Variants in REV3L observed in about 807,000 individuals in gnomAD.
The protein encoded by REV3L is REV3 like, DNA directed polymerase zeta catalytic subunit, also known as DNA polymerase zeta catalytic subunit.
In REV3L, 69 loss-of-function variants were observed where a neutral mutation model predicts 299.4. That is an observed-to-expected ratio of 0.23 (90% CI 0.19 to 0.28). REV3L has a LOEUF of 0.28. Ranked by LOEUF, REV3L falls within the 10% of genes least tolerant of loss-of-function variation. The pLI, the probability that REV3L is intolerant of heterozygous loss-of-function variation, is 1.00. For synonymous variants in REV3L, 1,238 were observed against 1,271.4 expected, an observed-to-expected ratio of 0.97 and a Z score of 0.56; for missense variants, 3,128 against 3,693.8, an observed-to-expected ratio of 0.85 and a Z score of 3.97.
intron 1 of REV3L, among the ~76,000 whole-genome samples, chr6:111,476,945 T>A (rs1212600273): frequency 6.6e-6 from 1 of 151,692 alleles, no homozygotes; most frequent in Admixed American, 6.6e-5. Flanking sequence ...TTTTAAATTA[T>A]AAAATCAGCA....
intron 20 of REV3L, among the ~76,000 whole-genome samples, chr6:111,344,267 C>A (rs555176426): frequency 6.6e-6 from 1 of 152,138 alleles, no homozygotes; most frequent in South Asian, 2.1e-4. Context: ...GAAAGCAGAC[C>A]TGATGAGATT....
At chr6:111,434,493 C>A (rs1353609995) in intron 1 of REV3L, among the ~76,000 whole-genome samples, 1 of 151,958 alleles carries the variant, frequency 6.6e-6, no homozygotes, top group Admixed American at 6.5e-5. Flanking sequence ...CTGGCGGGCG[C>A]CTGTAGTCCC....
rs145959292 is a variant in REV3L, at chr6:111,333,200, T to C, written c.7848A>G (p.Gln2616=). Residue 2616 remains glutamine (Q), a synonymous_variant, in exon 23 of 32, where the codon CAA becomes CAG. Coordinates refer to ENST00000368802, the MANE Select transcript of REV3L (RefSeq NM_001372078.1). ...YSNSVLVLDF[Q]SLYPSIVIAY... is the part of the protein sequence containing the mutation. ...CAATCACAATAGAAGGATAAAGTGA[T>C]TGGAAATCCAAAACGAGAACAGAGT... The C allele has an allele frequency of 1.2e-5, 19 of 1,614,006 alleles. No individual in the cohort carries two copies. Among genetic ancestry groups the C allele is most frequent in the African/African-American group, 8.0e-5 (6 of 74,900 alleles).
At chr6:111,342,431 G>A (rs2114895998) in intron 21 of REV3L, among the ~76,000 whole-genome samples, 1 of 152,232 alleles carries the variant, frequency 6.6e-6, no homozygotes, top group Non-Finnish European at 1.5e-5. Flanking sequence ...CACTTTGGGA[G>A]GCCGAGGCGG....
chr6:111,444,152 A>T (rs1199371910), intron 1 of REV3L, among the ~76,000 whole-genome samples: 1 of 152,234 alleles, frequency 6.6e-6, no homozygotes. Context: ...AGTATTGGTT[A>T]AAAACACAGG....
chr6:111,387,900 A>C lies in REV3L; in HGVS notation c.961T>G (p.Ser321Ala). ...QNDFSVTLSG[S>A]VDYSDGSQEF... Reference sequence around the variant, plus strand: ...TGGGATCCATCGCTGTAGTCCACAGATCCTGATAATGTTCTGCTTAATTAA... The same window carrying C: ...TGGGATCCATCGCTGTAGTCCACAGCTCCTGATAATGTTCTGCTTAATTAA... The change falls in exon 9 of 32, where the codon TCT (serine) becomes GCT (alanine). Residue 321 changes from serine (S) to alanine (A), a missense_variant. Physicochemically the swap from Ser to Ala is moderately conservative, Grantham distance 99. Coordinates refer to ENST00000368802, the MANE Select transcript of REV3L (RefSeq NM_001372078.1). 1 of 1,613,956 alleles carries C rather than the reference A, an allele frequency of 6.2e-7. No individual in the cohort carries two copies. Among genetic ancestry groups the C allele is most frequent in the Non-Finnish European group, 8.5e-7 (1 of 1,179,884 alleles).
Position 111,411,565 on chromosome 6 carries a change from A to AC in REV3L, c.330-12_330-11insG. 4.7e-6 allele frequency: 7 copies of AC among 1,494,014 alleles called. No individual in the cohort carries two copies. The highest frequency in any genetic ancestry group is 6.4e-6 in the Non-Finnish European group (7 of 1,092,460). 92.5% of individuals were successfully genotyped at this position (1,494,014 alleles called of 1,614,324 possible). The stretch of plus-strand genomic sequence containing the variant: ...TAACCATAAAAAGGCCTGAAATATA[A>AC]GAAAAAAAATTTCAAATTATTTTCA... On this transcript the variant is annotated splice_polypyrimidine_tract_variant and intron_variant, in intron 2 of 31. Transcript: ENST00000368802.
chr6:111,472,324 AATAAT>A (rs1190507591), intron 1 of REV3L, among the ~76,000 whole-genome samples: 1 of 152,142 alleles, frequency 6.6e-6, no homozygotes, highest in Non-Finnish European at 1.5e-5. Flanking sequence ...ATATATGCAA[AATAAT>A]ATATTTCTTT....
At chr6:111,430,788 T>C in intron 1 of REV3L, 1 of 1,607,940 alleles carries the variant, frequency 6.2e-7, no homozygotes. Context: ...GACCGCATCG[T>C]GAAGGAATCT....
At position 111,375,968 on chromosome 6, in the gene REV3L, T is replaced by C. The variant is rs1007947508; in HGVS notation, c.2387A>G (p.Tyr796Cys). ...AAGAACAACACTGGGAAAAAACATA[T>C]AGTGTGCTGCTTGCTGGCTGAGGCT... ...KPSLSQQAAH[Y>C]MFFPSVVLSN... The change falls in exon 13 of 32, where the codon TAT becomes TGT. Residue 796 changes from tyrosine (Y) to cysteine (C), a missense_variant. Around this residue, in one of 9 missense-constraint regions of REV3L, gnomAD observed 2,409 missense variants for 2,611.8 expected, o/e 0.92. Transcript: ENST00000368802. 26 of 1,613,968 alleles carry C rather than the reference T, an allele frequency of 1.6e-5. No individual in the cohort carries two copies. The highest frequency in any genetic ancestry group is 2.2e-5 in the South Asian group (2 of 91,052).
intron 1 of REV3L, among the ~76,000 whole-genome samples, chr6:111,436,221 A>G (rs374521616): frequency 6.6e-6 from 1 of 152,220 alleles, no homozygotes; most frequent in Non-Finnish European, 1.5e-5. Flanking sequence ...GTAAATTAGT[A>G]CAGTTACTAT....
intron 9 of REV3L, among the ~76,000 whole-genome samples, chr6:111,385,280 T>C (rs1314219605): frequency 6.6e-6 from 1 of 152,130 alleles, no homozygotes; most frequent in Non-Finnish European, 1.5e-5. Flanking sequence ...CAAAGAAATA[T>C]ATGCTTGAGG....
intron 31 of REV3L, among the ~76,000 whole-genome samples, chr6:111,303,671 CTTTTTTTTTTTTTTTTT>C (rs1771885044): frequency 1.8e-5 from 1 of 56,098 alleles, no homozygotes. Flanking sequence ...CCAGCCGAGG[CTTTTTTTTTTTTTTTTT>C]AACAGACTAT....
Position 111,407,810 on chromosome 6 carries a change from C to A in REV3L, c.405-2180G>T, listed in dbSNP as rs529214328. Among the ~76,000 whole-genome samples, 3 of 152,154 alleles carry A rather than the reference C, an allele frequency of 2.0e-5. No homozygotes were observed. In the South Asian group the frequency reaches 6.2e-4, roughly 32 times the overall value. On this transcript the variant is annotated intron_variant, in intron 3 of 31. Transcript: ENST00000368802. The stretch of plus-strand genomic sequence containing the variant: ...AAATTAGTCAGACGTGGTGGTGGTG[C>A]CTGTAATCCTAACTACTCAGGAGGC...
At chr6:111,371,930 G>A (rs191391062) in intron 13 of REV3L, among the ~76,000 whole-genome samples, 7 of 152,124 alleles carry the variant, frequency 4.6e-5, no homozygotes, top group Admixed American at 2.0e-4. Flanking sequence ...GGGCTCAAGC[G>A]ATCCTCCCAC....
intron 18 of REV3L, among the ~76,000 whole-genome samples, chr6:111,356,191 T>C (rs1458877772): frequency 6.6e-6 from 1 of 152,164 alleles, no homozygotes; most frequent in Non-Finnish European, 1.5e-5. Flanking sequence ...GGACAGCTTT[T>C]ATCTGTATAT....
At chr6:111,323,649 A>G (rs1774438623) in intron 25 of REV3L, among the ~76,000 whole-genome samples, 1 of 152,182 alleles carries the variant, frequency 6.6e-6, no homozygotes, top group Non-Finnish European at 1.5e-5. Flanking sequence ...TGCTAATGAG[A>G]TTTTACAGTT....
At chr6:111,383,218 A>C (rs1205647928) in intron 9 of REV3L, among the ~76,000 whole-genome samples, 1 of 152,240 alleles carries the variant, frequency 6.6e-6, no homozygotes, top group Non-Finnish European at 1.5e-5. Context: ...CTGGAACAAG[A>C]CAAGGATGCC....
chr6:111,313,609 G>T (rs1773210438), intron 27 of REV3L, 120 bp from the exon 28 acceptor site: 2 of 1,004,100 alleles, frequency 2.0e-6, no homozygotes, highest in African/African-American at 1.7e-5. Context: ...TTCTATATAT[G>T]ACTTTGGGCC....
Sources: gnomAD v4.1 joint callset for allele counts (sites outside exome capture counted in the v4.1 genomes callset) on GRCh38, gnomAD v4.1.1 for gene constraint, gnomAD v4.1.1 regional missense constraint, MANE v1.5 for transcripts, NCBI Gene and HGNC (gene_info 2026-07-23, HGNC 2026-07-21) for gene names.